Variants in ABCA9 observed in about 807,000 individuals in gnomAD.
ABCA9 encodes the protein ATP binding cassette subfamily A member 9, also known as ATP-binding cassette sub-family A member 9.
ABCA9 carries 183 observed loss-of-function variants against 205.3 expected under a neutral mutation model. The observed-to-expected ratio is 0.89, with a 90% confidence interval of 0.79 to 1.01. The LOEUF (loss-of-function observed/expected upper bound fraction) is 1.01, where lower values mean the gene tolerates loss of function less well. Among genes scored for constraint, ABCA9 ranks in the 50% least tolerant of loss-of-function variants. The pLI, the probability that ABCA9 is intolerant of heterozygous loss-of-function variation, is 0.00. For synonymous variants in ABCA9, 651 were observed against 683.3 expected, an observed-to-expected ratio of 0.95 and a Z score of 0.74; for missense variants, 1,805 against 1,912.4, an observed-to-expected ratio of 0.94 and a Z score of 1.05.
chr17:69,026,889 G>A, intron 15 of ABCA9, 87 bp downstream of exon 15: 12 of 1,491,512 alleles, frequency 8.0e-6, no homozygotes, highest in Non-Finnish European at 1.1e-5. Flanking sequence ...GGCAGTTCCA[G>A]GGAGACACAG....
chr17:68,996,038 G>C (rs371796861), intron 25 of ABCA9, 24 bp from the exon 26 acceptor site: 6 of 1,605,274 alleles, frequency 3.7e-6, no homozygotes, highest in Non-Finnish European at 5.1e-6. Context: ...ACAGTATAGC[G>C]TCATTAAAGT....
intron 6 of ABCA9, among the ~76,000 whole-genome samples, chr17:69,039,428 C>A (rs2071461369): frequency 6.6e-6 from 1 of 152,118 alleles, no homozygotes; most frequent in African/African-American, 2.4e-5. Context: ...TGATCTTTGA[C>A]AAACGTGACA....
At chr17:69,000,881 A>G (rs1050932160) in intron 25 of ABCA9, among the ~76,000 whole-genome samples, 3 of 144,082 alleles carry the variant, frequency 2.1e-5, no homozygotes, top group African/African-American at 8.8e-5. Context: ...TTCTCTTTGA[A>G]GCAATTGTGA....
At position 68,975,966 on chromosome 17, in the gene ABCA9, C is replaced by T; in HGVS notation, c.4824G>A (p.Glu1608=). The T allele has an allele frequency of 6.2e-7, 1 of 1,613,726 alleles. No homozygotes were observed. Among genetic ancestry groups the T allele is most frequent in the Non-Finnish European group, 8.5e-7 (1 of 1,179,872 alleles). Residue 1608 remains glutamate (E), a synonymous_variant, in exon 39 of 39, where the codon GAG becomes GAA. Coordinates refer to ENST00000340001, the MANE Select transcript of ABCA9 (RefSeq NM_080283.4). ...TCCACTTCACCGAGGGATCAAAGTC[C>T]TCTTCAAGATCACCCAGCTCCTGCT... The part of the protein sequence containing the change: ...SKEQELGDLE[E]DFDPSVKWKL...
At chr17:69,068,174 C>T in the ABCA9 span, among the ~76,000 whole-genome samples, 1 of 152,126 alleles carries the variant, frequency 6.6e-6, no homozygotes, top group Non-Finnish European at 1.5e-5. Flanking sequence ...AAACTTCAAA[C>T]AAAAATGTAT....
upstream of ABCA9, among the ~76,000 whole-genome samples, chr17:69,063,199 T>G (rs1420931264): frequency 6.6e-6 from 1 of 152,228 alleles, no homozygotes; most frequent in African/African-American, 2.4e-5. Flanking sequence ...TCCATTATTC[T>G]TACTTTATGT....
At chr17:68,977,265 G>A (rs2068915852) in intron 37 of ABCA9, among the ~76,000 whole-genome samples, 2 of 152,082 alleles carry the variant, frequency 1.3e-5, no homozygotes, top group African/African-American at 4.8e-5. Flanking sequence ...CCGGGGAGCT[G>A]TAATCAGAGG....
In ABCA9 at chr17:69,045,876, T is replaced by C. The variant is rs540501489; in HGVS notation, c.305-540A>G. ...TCCACTAGGTCCCTCCCTTGACTCATGGGGATTGTGGGGATTATGGGGATT... is the reference window on the plus strand; with the variant it reads ...TCCACTAGGTCCCTCCCTTGACTCACGGGGATTGTGGGGATTATGGGGATT... On this transcript the variant is annotated intron_variant, in intron 3 of 38. Coordinates refer to ENST00000340001, the MANE Select transcript of ABCA9 (RefSeq NM_080283.4). 3.4e-4 allele frequency among the ~76,000 whole-genome samples: 51 copies of C among 152,232 alleles called. 2 individuals are homozygous for C. The South Asian group carries it at 1.0e-2, about 30-fold the overall frequency.
At chr17:68,999,996 G>A (rs933436829) in intron 25 of ABCA9, among the ~76,000 whole-genome samples, 7 of 152,110 alleles carry the variant, frequency 4.6e-5, no homozygotes, top group East Asian at 1.9e-4. Context: ...TCGTAAATTT[G>A]TTGGAGTTCA....
chr17:69,026,308 G>T, intron 16 of ABCA9, 69 bp downstream of exon 16: 1 of 1,276,218 alleles, frequency 7.8e-7, no homozygotes, highest in Non-Finnish European at 1.1e-6. Flanking sequence ...TTTACACATT[G>T]ATGCTGATAC....
Position 69,023,172 on chromosome 17 carries a change from T to C in ABCA9, c.2281+1042A>G, listed in dbSNP as rs1467943536. The C allele has an allele frequency of 6.6e-6, 1 of 152,186 alleles. No homozygotes were observed. The highest frequency in any genetic ancestry group is 1.5e-5 in the Non-Finnish European group (1 of 68,036). 9.4% of individuals were successfully genotyped at this position (152,186 alleles called of 1,614,324 possible). On this transcript the variant is annotated intron_variant, in intron 17 of 38. Transcript: ENST00000340001. This position sits in a 1 kb window ranked among gnomAD's most constrained non-coding sequence, Gnocchi z 4.2. ...GTAGATCATATTTTAAATGGTAGCA[T>C]TATTTCTTTGTGTTTCTTTCTTAGT...
intron 9 of ABCA9, 142 bp downstream of exon 9, chr17:69,033,583 TA>T: frequency 1.5e-6 from 1 of 662,044 alleles, no homozygotes; most frequent in Non-Finnish European, 2.5e-6. Flanking sequence ...AGTGATTCTA[TA>T]AACAAACTAT....
rs144390421 is a variant in ABCA9 at position 69,029,295 on chromosome 17, T to C, written c.1446-68A>G. 849 of 976,788 alleles carry C rather than the reference T, an allele frequency of 8.7e-4. 8 individuals are homozygous for C. The African/African-American group carries it at 0.013, about 15-fold the overall frequency. 60.5% of individuals were successfully genotyped at this position (976,788 alleles called of 1,614,324 possible). ...TGCAGAGGATTGATAAGTCAAGTCT[T>C]TGAGGCTTAATCAAAGCCTCAAAGA... On this transcript the variant is annotated intron_variant, in intron 10 of 38. Coordinates refer to ENST00000340001, the MANE Select transcript of ABCA9 (RefSeq NM_080283.4).
At chr17:69,046,356 G>A (rs1030567482) in intron 3 of ABCA9, among the ~76,000 whole-genome samples, 1 of 152,130 alleles carries the variant, frequency 6.6e-6, no homozygotes, top group African/African-American at 2.4e-5. Flanking sequence ...CTACAATCCA[G>A]CAGCTAGATC....
At position 69,021,822 on chromosome 17, in the gene ABCA9, A is replaced by G. The variant is rs142708396; in HGVS notation, c.2321T>C (p.Ile774Thr). 1.0e-5 allele frequency: 16 copies of G among 1,593,644 alleles called. No homozygotes were observed. The African/African-American group carries it at 1.6e-4, about 16-fold the overall frequency. The change falls in exon 18 of 39, where the codon ATT becomes ACT. Residue 774 changes from isoleucine to threonine, a missense_variant. Physicochemically the swap from Ile to Thr is moderately conservative, Grantham distance 89. Transcript: ENST00000340001. ...RDLDRCSNQG[I>T]EDYGVSITTL... ...TGTTATGGAAACACCATAATCCTCA[A>G]TGCCTTGGTTAGAACATCTATCAAG...
intron 23 of ABCA9, 106 bp downstream of exon 23, chr17:69,011,870 A>G (rs1328379913): frequency 1.7e-6 from 1 of 596,268 alleles, no homozygotes; most frequent in Non-Finnish European, 2.8e-6. Context: ...TCATTGCATC[A>G]AGTACAAAAA....
At chr17:69,034,171 T>G (rs1449044589) in intron 8 of ABCA9, among the ~76,000 whole-genome samples, 1 of 152,184 alleles carries the variant, frequency 6.6e-6, no homozygotes, top group South Asian at 2.1e-4. Context: ...GGACCTAATA[T>G]AGTTTACAAA....
At chr17:69,021,903 T>A (rs375406606) in intron 17 of ABCA9, 42 bp from the exon 18 acceptor site, 1 of 1,314,588 alleles carries the variant, frequency 7.6e-7, no homozygotes, top group East Asian at 2.5e-5. Flanking sequence ...ATATAATTTA[T>A]AATGAGAACC....
chr17:69,015,340 G>T (rs955885055), intron 22 of ABCA9, among the ~76,000 whole-genome samples: 11 of 152,096 alleles, frequency 7.2e-5, no homozygotes, highest in Non-Finnish European at 1.5e-5. Flanking sequence ...ATAGAATATG[G>T]CCAGGGTGTC....
Sources: allele counts gnomAD v4.1 joint callset (sites outside exome capture counted in the v4.1 genomes callset), GRCh38; gene constraint gnomAD v4.1.1; non-coding constraint Gnocchi (gnomAD v3.1); transcripts MANE v1.5; gene names NCBI Gene and HGNC (gene_info 2026-07-23, HGNC 2026-07-21).